The following PIK3CA variants were observed in gnomAD, a reference collection of about 807,000 sequenced individuals.
PIK3CA encodes phosphatidylinositol-4,5-bisphosphate 3-kinase catalytic subunit alpha.
A neutral mutation model predicts 138.2 loss-of-function variants in PIK3CA; 27 were observed. The observed-to-expected ratio is 0.20, with a 90% CI of 0.14 to 0.27. PIK3CA has a LOEUF of 0.27. Among genes scored for constraint, PIK3CA ranks in the 10% least tolerant of loss-of-function variants. PIK3CA has a pLI of 1.00. For missense variants in PIK3CA, 544 were observed against 1,277.4 expected (o/e 0.43, Z 8.75); for synonymous variants, 358 against 413.2 (o/e 0.87, Z 1.62).
intron 1 of PIK3CA, among the ~76,000 whole-genome samples, chr3:179,181,349 G>A (rs1259280874): frequency 1.3e-5 from 2 of 151,536 alleles, no homozygotes; most frequent in African/African-American, 4.9e-5. Context: ...TCAGAATTTT[G>A]CTTTTGTGGA....
At chr3:179,201,956 C>A (rs924992662) in intron 4 of PIK3CA, among the ~76,000 whole-genome samples, 6 of 151,872 alleles carry the variant, frequency 4.0e-5, no homozygotes, top group Non-Finnish European at 7.4e-5. Context: ...TAGTAAATAG[C>A]GTTTGTAAGC....
At chr3:179,190,903 G>GCCTGT (rs1298821649) in intron 1 of PIK3CA, among the ~76,000 whole-genome samples, 1 of 152,166 alleles carries the variant, frequency 6.6e-6, no homozygotes, top group East Asian at 1.9e-4. Context: ...GTGAGGGGAA[G>GCCTGT]AACTGTACTG....
intron 1 of PIK3CA, among the ~76,000 whole-genome samples, chr3:179,154,504 C>T (rs368318079): frequency 1.1e-4 from 16 of 152,202 alleles, no homozygotes; most frequent in Admixed American, 7.9e-4. Context: ...TTGTCTTCCA[C>T]GAAACTGCTC....
At chr3:179,192,189 A>G (rs1027396442) in intron 1 of PIK3CA, among the ~76,000 whole-genome samples, 7 of 152,218 alleles carry the variant, frequency 4.6e-5, no homozygotes, top group Non-Finnish European at 8.8e-5. Flanking sequence ...GGCATATCCA[A>G]TGATGGCAAA....
intron 1 of PIK3CA, among the ~76,000 whole-genome samples, chr3:179,181,689 G>A (rs1723849934): frequency 6.6e-6 from 1 of 151,872 alleles, no homozygotes; most frequent in Non-Finnish European, 1.5e-5. Flanking sequence ...TATTTTCTCT[G>A]CCTTTTTTCC....
At chr3:179,159,547 G>A (rs570476544) in intron 1 of PIK3CA, among the ~76,000 whole-genome samples, 3 of 152,228 alleles carry the variant, frequency 2.0e-5, no homozygotes, top group East Asian at 3.9e-4. Context: ...TCTGATACAT[G>A]TGTAATCACT....
At chr3:179,175,634 C>T (rs992047560) in intron 1 of PIK3CA, among the ~76,000 whole-genome samples, 2 of 152,064 alleles carry the variant, frequency 1.3e-5, no homozygotes, top group African/African-American at 2.4e-5. Flanking sequence ...TTTACCATTC[C>T]CTCCTCTTAC....
Position 179,219,415 on chromosome 3 carries a change from T to C in PIK3CA, c.1746+138T>C, listed in dbSNP as rs1199112964. The stretch of plus-strand genomic sequence containing the variant: ...AGTGTAGAAAAAAACACCCTTAACA[T>C]TATTTCCATAGATAAAACTAATTAG... On this transcript the variant is annotated intron_variant, in intron 11 of 20. Transcript: ENST00000263967. The surrounding 1 kb of genome is among the most constrained non-coding windows in gnomAD (Gnocchi z 4.2). 2.9e-6 allele frequency: 2 copies of C among 695,878 alleles called. No homozygotes were observed. The highest frequency in any genetic ancestry group is 3.6e-5 in the African/African-American group (2 of 55,326). The allele number at this position is 695,878 out of a possible 1,614,324, so 43.1% of individuals were successfully genotyped here.
chr3:179,180,311 A>C (rs1723809618), intron 1 of PIK3CA, among the ~76,000 whole-genome samples: 1 of 152,148 alleles, frequency 6.6e-6, no homozygotes, highest in Non-Finnish European at 1.5e-5. Context: ...ACTTTCTCCT[A>C]AAATTACCAC....
intron 1 of PIK3CA, among the ~76,000 whole-genome samples, chr3:179,171,881 T>C (rs1723567534): frequency 6.6e-6 from 1 of 152,054 alleles, no homozygotes; most frequent in Admixed American, 6.5e-5. Context: ...ACAATTCATT[T>C]TATGAGGACA....
In PIK3CA at chr3:179,198,791, A is replaced by T. The variant is rs199986634; in HGVS notation, c.-35A>T. 8.3e-7 allele frequency: 1 copy of T among 1,211,226 alleles called. No homozygotes were observed. The highest frequency in any genetic ancestry group is 2.6e-5 in the Admixed American group (1 of 38,582). 75.0% of individuals were successfully genotyped at this position (1,211,226 alleles called of 1,614,324 possible). On this transcript the variant is annotated 5_prime_UTR_variant, in exon 2 of 21. It removes the in-frame stop codon of an upstream open reading frame in the 5' UTR. Transcript: ENST00000263967. ...AACCATACATCTAATTCCTTAAAGT[A>T]GTTTTATATGTAAAACTTGCAAAGA... is the stretch of plus-strand genomic sequence containing the variant.
At chr3:179,187,453 G>T in intron 1 of PIK3CA, among the ~76,000 whole-genome samples, 1 of 145,270 alleles carries the variant, frequency 6.9e-6, no homozygotes, top group Admixed American at 7.0e-5. Flanking sequence ...CAGGAGAATT[G>T]CTTGAACCCG....
At chr3:179,188,352 T>TA (rs1271661388) in intron 1 of PIK3CA, among the ~76,000 whole-genome samples, 2 of 152,236 alleles carry the variant, frequency 1.3e-5, no homozygotes, top group African/African-American at 2.4e-5. Context: ...CCACCTGTCT[T>TA]ACCAGTGCAT....
rs2108384777 is a variant in PIK3CA at position 179,198,776 on chromosome 3, C to T, written c.-50C>T. On this transcript the variant is annotated 5_prime_UTR_variant, in exon 2 of 21. Transcript: ENST00000263967. The stretch of plus-strand genomic sequence containing the variant: ...TTTCTGCTTTGGGACAACCATACAT[C>T]TAATTCCTTAAAGTAGTTTTATATG... 1 of 1,081,222 alleles carries T rather than the reference C, an allele frequency of 9.2e-7. No homozygotes were observed. Among genetic ancestry groups the T allele is most frequent in the Non-Finnish European group, 1.3e-6 (1 of 755,644 alleles). 67.0% of individuals were successfully genotyped at this position (1,081,222 alleles called of 1,614,324 possible).
At chr3:179,163,304 C>G (rs1421181021) in intron 1 of PIK3CA, among the ~76,000 whole-genome samples, 1 of 152,078 alleles carries the variant, frequency 6.6e-6, no homozygotes, top group Non-Finnish European at 1.5e-5. Flanking sequence ...TGGGGAAATA[C>G]TTTCCAAAGC....
intron 1 of PIK3CA, among the ~76,000 whole-genome samples, chr3:179,177,174 CT>C (rs1331161612): frequency 6.6e-6 from 1 of 152,030 alleles, no homozygotes; most frequent in African/African-American, 2.4e-5. Context: ...GTTGCAGGTG[CT>C]TTTCCAGTTT....
chr3:179,149,256 T>G (rs1464774643), intron 1 of PIK3CA, among the ~76,000 whole-genome samples: 7 of 152,176 alleles, frequency 4.6e-5, no homozygotes, highest in Non-Finnish European at 1.0e-4. Context: ...CACTGACTCA[T>G]GTGACTTGTC....
chr3:179,234,499 TA>T lies in PIK3CA; in HGVS notation c.*139del. 1 of 595,982 alleles carries T rather than the reference TA, an allele frequency of 1.7e-6. No homozygotes were observed. The highest frequency in any genetic ancestry group is 2.8e-6 in the Non-Finnish European group (1 of 362,620). 36.9% of individuals were successfully genotyped at this position (595,982 alleles called of 1,614,324 possible). On this transcript the variant is annotated 3_prime_UTR_variant, in exon 21 of 21. Transcript: ENST00000263967. The surrounding 1 kb of genome is among the most constrained non-coding windows in gnomAD (Gnocchi z 5.1). ...TTAGAATTTACAGCAAGAACAGAAATAAAATACTATATAATTTAAATAATGT... is the reference window on the plus strand; with the variant it reads ...TTAGAATTTACAGCAAGAACAGAAATAAATACTATATAATTTAAATAATGT...
chr3:179,217,199 G>C (rs916194198), intron 9 of PIK3CA, among the ~76,000 whole-genome samples: 1 of 152,046 alleles, frequency 6.6e-6, no homozygotes, highest in African/African-American at 2.4e-5. Flanking sequence ...TCTTAGTGTG[G>C]ATAAAGGTTC....
Sources: allele counts gnomAD v4.1 joint callset (sites outside exome capture counted in the v4.1 genomes callset), GRCh38; gene constraint gnomAD v4.1.1; non-coding constraint Gnocchi (gnomAD v3.1); transcripts MANE v1.5; gene names NCBI Gene and HGNC (gene_info 2026-07-23, HGNC 2026-07-21).